TCP11L1: variants seen among roughly 807,000 people sequenced by gnomAD.
TCP11L1 encodes T-complex protein 11-like protein 1.
Under a neutral mutation model 48.9 loss-of-function variants are expected in TCP11L1, and 28 were observed. That is an observed-to-expected ratio of 0.57 (90% CI 0.42 to 0.78). The LOEUF is 0.78. TCP11L1 is among the 30% of genes least tolerant of loss of function. The pLI, the probability that TCP11L1 is intolerant of heterozygous loss-of-function variation, is 0.00. For missense variants in TCP11L1, 505 were observed against 613.4 expected (o/e 0.82, Z 1.87); for synonymous variants, 204 against 231.9 (o/e 0.88, Z 1.09).
intron 7 of TCP11L1, 110 bp from the exon 8 acceptor site, chr11:33,065,720 G>C: frequency 2.4e-6 from 3 of 1,248,278 alleles, no homozygotes; most frequent in Non-Finnish European, 1.1e-6. Context: ...ACACACTAGC[G>C]CAAACCCTGA....
rs988492848 is a variant in TCP11L1, at chr11:33,052,183, C to G, written c.164-2410C>G. Among the ~76,000 whole-genome samples the G allele has an allele frequency of 9.2e-5, 14 of 151,960 alleles. No homozygotes were observed. The East Asian group carries it at 2.7e-3, about 29-fold the overall frequency. ...ACAAAATAATCTCTACAACAAGCCC[C>G]CGTGACACGAGATTACCTGTATAAC... On this transcript the variant is annotated intron_variant, in intron 2 of 9. Transcript: ENST00000334274.
chr11:33,067,789 C>T (rs73489453), intron 8 of TCP11L1, among the ~76,000 whole-genome samples: 1,548 of 152,306 alleles, frequency 0.01, 19 homozygotes, highest in African/African-American at 0.035. Flanking sequence ...TCACAGCATG[C>T]CTGCCAGCAT....
rs182557580 is a variant in TCP11L1 at position 33,061,428 on chromosome 11, T to A, written c.776-102T>A. 3.7e-5 allele frequency: 43 copies of A among 1,171,040 alleles called. No individual in the cohort carries two copies. The East Asian group carries it at 1.1e-3, about 30-fold the overall frequency. The allele number at this position is 1,171,040 out of a possible 1,614,324, so 72.5% of individuals were successfully genotyped here. On this transcript the variant is annotated intron_variant, in intron 6 of 9. Transcript: ENST00000334274. ...TTATTTGATTCCAAAGTTCATACTT[T>A]ATACTTTATCACTCCACCAGGACAT...
chr11:33,063,972 A>G (rs1198867460), intron 7 of TCP11L1, among the ~76,000 whole-genome samples: 3 of 151,924 alleles, frequency 2.0e-5, no homozygotes, highest in Non-Finnish European at 4.4e-5. Context: ...GCTGTGGGAG[A>G]CCATCCAATA....
intron 3 of TCP11L1, among the ~76,000 whole-genome samples, chr11:33,055,436 T>C (rs1854283249): frequency 6.6e-6 from 1 of 152,176 alleles, no homozygotes; most frequent in Non-Finnish European, 1.5e-5. Context: ...TCTCCTTTTG[T>C]TGGAGAGGAA....
intron 2 of TCP11L1, among the ~76,000 whole-genome samples, chr11:33,047,028 A>G (rs4275605): frequency 0.73 from 111,177 of 151,648 alleles, 40,945 homozygotes; most frequent in East Asian, 0.87. Context: ...TTCGAGACCA[A>G]CCTGGCCAAC....
At chr11:33,052,603 C>T (rs1175395212) in intron 2 of TCP11L1, among the ~76,000 whole-genome samples, 1 of 152,134 alleles carries the variant, frequency 6.6e-6, no homozygotes, top group Non-Finnish European at 1.5e-5. Context: ...GATCTTATCA[C>T]TATCACATAA....
intron 2 of TCP11L1, among the ~76,000 whole-genome samples, chr11:33,051,050 A>G (rs959586712): frequency 6.6e-6 from 1 of 151,814 alleles, no homozygotes; most frequent in African/African-American, 2.4e-5. Flanking sequence ...GCCTCAAGCA[A>G]TTTTTGCACC....
intron 8 of TCP11L1, among the ~76,000 whole-genome samples, chr11:33,067,121 G>A: frequency 6.6e-6 from 1 of 152,182 alleles, no homozygotes; most frequent in East Asian, 1.9e-4. Context: ...GCCCTTGCTT[G>A]TTCCCTGTAG....
chr11:33,048,024 C>T (rs1170494205), intron 2 of TCP11L1, among the ~76,000 whole-genome samples: 2 of 152,178 alleles, frequency 1.3e-5, no homozygotes, highest in East Asian at 3.8e-4. Context: ...TGGAATCTGT[C>T]TGCCAGCCTC....
Position 33,068,753 on chromosome 11 carries a change from C to T in TCP11L1, c.1221C>T (p.Cys407=). The change falls in exon 9 of 10, where the codon TGC becomes TGT. Residue 407 remains cysteine, a synonymous_variant. Transcript: ENST00000334274. ...GEKVCLEVSS[C]LSLCGSSPFT... ...AGGTGTGCCTGGAGGTGAGCAGCTG[C>T]CTCTCCCTGTGTGGGTCCTCTCCCT... The T allele has an allele frequency of 1.2e-6, 2 of 1,614,180 alleles. No homozygotes were observed. Among genetic ancestry groups the T allele is most frequent in the Admixed American group, 1.7e-5 (1 of 60,020 alleles).
chr11:33,070,729 G>A (rs1198288776), intron 9 of TCP11L1, among the ~76,000 whole-genome samples: 1 of 150,898 alleles, frequency 6.6e-6, no homozygotes, highest in Non-Finnish European at 1.5e-5. Context: ...AGGGCCAGGT[G>A]TGATGACTCA....
intron 2 of TCP11L1, among the ~76,000 whole-genome samples, chr11:33,051,029 T>G (rs886481872): frequency 1.4e-4 from 21 of 152,176 alleles, no homozygotes; most frequent in African/African-American, 4.3e-4. Context: ...CAGGCTGTTC[T>G]CAAATTCCTG....
chr11:33,049,233 A>G (rs1854085641), intron 2 of TCP11L1, among the ~76,000 whole-genome samples: 1 of 140,568 alleles, frequency 7.1e-6, no homozygotes, highest in African/African-American at 2.7e-5. Context: ...CTCGTGACAG[A>G]GCAAGACTCC....
At chr11:33,069,493 C>G (rs1854715757) in intron 9 of TCP11L1, among the ~76,000 whole-genome samples, 1 of 152,048 alleles carries the variant, frequency 6.6e-6, no homozygotes, top group Non-Finnish European at 1.5e-5. Context: ...TTAGTTATCA[C>G]AGCAATGGCT....
chr11:33,057,924 CTT>C lies in TCP11L1; in HGVS notation c.424_425del (p.Leu142IlefsTer9). ...GTAGCTGTGTTCTCTTGTAGACTCT[CTT>C]ATCTTTCTTGCTGCCTGGTCATACT... ...KLVGEIKETLLSFLLPGHTRL... is the reference protein window; with the variant it reads ...KLVGEIKETLXSFLLPGHTRL... On this transcript the variant is annotated frameshift_variant, in exon 5 of 10. Coordinates refer to ENST00000334274, the MANE Select transcript of TCP11L1 (RefSeq NM_018393.4). LOFTEE classifies it high-confidence loss of function. 6.2e-7 allele frequency: 1 copy of C among 1,612,954 alleles called. No homozygotes were observed. Among genetic ancestry groups the C allele is most frequent in the African/African-American group, 1.3e-5 (1 of 74,966 alleles).
intron 2 of TCP11L1, among the ~76,000 whole-genome samples, chr11:33,051,884 A>C (rs1421211612): frequency 2.0e-5 from 3 of 152,238 alleles, no homozygotes; most frequent in Non-Finnish European, 2.9e-5. Context: ...TCTTGAAATC[A>C]GTGTCAGTCC....
At chr11:33,042,475 A>G (rs1048350427) in intron 1 of TCP11L1, among the ~76,000 whole-genome samples, 1 of 152,024 alleles carries the variant, frequency 6.6e-6, no homozygotes, top group Non-Finnish European at 1.5e-5. Flanking sequence ...TCCAAAGCAC[A>G]GTGTCAAGTG....
intron 7 of TCP11L1, among the ~76,000 whole-genome samples, chr11:33,063,918 C>T (rs1281821666): frequency 1.3e-5 from 2 of 152,170 alleles, no homozygotes; most frequent in East Asian, 3.8e-4. Context: ...GGCATGTTCT[C>T]TTCTGGAGGG....
Sources: allele counts gnomAD v4.1 joint callset (sites outside exome capture counted in the v4.1 genomes callset), GRCh38; gene constraint gnomAD v4.1.1; transcripts MANE v1.5; gene names NCBI Gene and HGNC (gene_info 2026-07-23, HGNC 2026-07-21).